Variants in MORF4L1 observed in about 807,000 individuals in gnomAD.
MORF4L1 encodes the protein mortality factor 4 like 1.
A neutral mutation model predicts 52.9 loss-of-function variants in MORF4L1; 4 were observed. The ratio of observed to expected loss-of-function variants is 0.08; its 90% CI spans 0.04 to 0.17. The LOEUF (loss-of-function observed/expected upper bound fraction) is 0.17, where lower values mean the gene tolerates loss of function less well. Ranked by LOEUF, MORF4L1 falls within the 10% of genes least tolerant of loss-of-function variation. The pLI is 1.00. For synonymous variants in MORF4L1, 123 were observed against 134.8 expected, an observed-to-expected ratio of 0.91 and a Z score of 0.61; for missense variants, 214 against 390.4, an observed-to-expected ratio of 0.55 and a Z score of 3.81.
rs1333008677 is a variant in MORF4L1 at position 78,872,976 on chromosome 15, C to T, written c.-42C>T. 2.8e-6 allele frequency: 4 copies of T among 1,432,802 alleles called. No homozygotes were observed. Among genetic ancestry groups the T allele is most frequent in the East Asian group, 2.6e-5 (1 of 38,180 alleles). The allele number at this position is 1,432,802 out of a possible 1,614,324, so 88.8% of individuals were successfully genotyped here. On this transcript the variant is annotated 5_prime_UTR_variant, in exon 1 of 12. Transcript: ENST00000426013. ...GGGGTAGAGAGTAGGGGGCGGTAGT[C>T]GGGGGTGGTGGGAGAAGGAGGAGGC...
In MORF4L1 at chr15:78,887,377, A is replaced by G. The variant is rs768214661; in HGVS notation, c.323+28A>G. 3.2e-6 allele frequency: 5 copies of G among 1,564,500 alleles called. No individual in the cohort carries two copies. The East Asian group carries it at 9.0e-5, about 28-fold the overall frequency. On this transcript the variant is annotated intron_variant, in intron 5 of 11. Transcript: ENST00000426013. ...AAGAAGCTCTTTGTTTTGATTTTGC[A>G]TACTATATGTGAAGATAATATTTTA...
chr15:78,876,883 A>G (rs1596238684), intron 1 of MORF4L1, among the ~76,000 whole-genome samples: 2 of 152,296 alleles, frequency 1.3e-5, no homozygotes, highest in East Asian at 3.9e-4. Flanking sequence ...GGGAGAGTCT[A>G]ATAATATGGG....
chr15:78,896,103 C>G (rs2056883481), intron 11 of MORF4L1, among the ~76,000 whole-genome samples: 2 of 152,052 alleles, frequency 1.3e-5, no homozygotes, highest in Admixed American at 1.3e-4. Flanking sequence ...CTCAGCCTCC[C>G]AAGTAGCTGG....
Position 78,897,216 on chromosome 15 carries a change from AGG to A in MORF4L1, c.*153_*154del. The A allele has an allele frequency of 1.8e-6, 1 of 566,796 alleles. No homozygotes were observed. The highest frequency in any genetic ancestry group is 1.9e-5 in the African/African-American group (1 of 52,370). The allele number at this position is 566,796 out of a possible 1,614,324, so 35.1% of individuals were successfully genotyped here. A position where few individuals can be genotyped will look rare whatever the true frequency, so the allele number is the denominator to read the frequency against. Reference sequence around the variant, plus strand: ...TGATTTTAAACAGAGAAAAAATAAAAGGGGGTAATAGCTCCTTTTTTCTTCTT... The same window carrying A: ...TGATTTTAAACAGAGAAAAAATAAAAGGGTAATAGCTCCTTTTTTCTTCTT... On this transcript the variant is annotated 3_prime_UTR_variant, in exon 12 of 12. Coordinates refer to ENST00000426013, the MANE Select transcript of MORF4L1 (RefSeq NM_006791.4).
chr15:78,892,191 A>G, intron 7 of MORF4L1, 21 bp from the exon 8 acceptor site: 2 of 1,545,804 alleles, frequency 1.3e-6, no homozygotes, highest in Non-Finnish European at 1.8e-6. Flanking sequence ...GGTTTTTAAT[A>G]CTCCTCCTGT....
intron 8 of MORF4L1, chr15:78,892,971 A>C (rs2056825132): frequency 6.5e-6 from 1 of 153,558 alleles, no homozygotes; most frequent in Non-Finnish European, 1.4e-5. Context: ...TTACAGCTAA[A>C]CTGCGAAGAT....
In MORF4L1 at chr15:78,880,599, A is replaced by G. The variant is rs2056583581; in HGVS notation, c.155+20A>G. ...TAAAAAGTGAGTATTAGATCTTACA[A>G]TTCTATTTGTAATTAACAAGATAGC... On this transcript the variant is annotated intron_variant, in intron 3 of 11. Transcript: ENST00000426013. The G allele has an allele frequency of 4.6e-6, 7 of 1,526,270 alleles. No homozygotes were observed. The highest frequency in any genetic ancestry group is 1.4e-5 in the African/African-American group (1 of 72,062). The allele number at this position is 1,526,270 out of a possible 1,614,324, so 94.5% of individuals were successfully genotyped here.
chr15:78,890,081 G>A (rs148465412), intron 5 of MORF4L1, among the ~76,000 whole-genome samples: 2 of 152,224 alleles, frequency 1.3e-5, no homozygotes, highest in Non-Finnish European at 2.9e-5. Context: ...TGAGCTGGGA[G>A]TGGTGGTGGG....
chr15:78,895,068 T>C (rs1416137462), intron 11 of MORF4L1, among the ~76,000 whole-genome samples, 164 bp downstream of exon 11: 1 of 152,058 alleles, frequency 6.6e-6, no homozygotes, highest in African/African-American at 2.4e-5. Context: ...GTCTCAGAAA[T>C]GATAGATGGT....
intron 7 of MORF4L1, 63 bp downstream of exon 7, chr15:78,891,635 A>C: frequency 7.7e-7 from 1 of 1,296,234 alleles, no homozygotes; most frequent in Non-Finnish European, 1.1e-6. Context: ...ACATGACATA[A>C]CCATGGGAGC....
chr15:78,879,755 T>C (rs1237646990), intron 2 of MORF4L1, among the ~76,000 whole-genome samples: 1 of 147,766 alleles, frequency 6.8e-6, no homozygotes, highest in Non-Finnish European at 1.5e-5. Flanking sequence ...CTGGGCAAGA[T>C]AGCAAGACTG....
At chr15:78,881,397 A>G (rs1279468553) in intron 3 of MORF4L1, among the ~76,000 whole-genome samples, 1 of 151,860 alleles carries the variant, frequency 6.6e-6, no homozygotes, top group Non-Finnish European at 1.5e-5. Flanking sequence ...GAGTTTCACC[A>G]CATTGGCCAG....
intron 3 of MORF4L1, among the ~76,000 whole-genome samples, chr15:78,883,491 TTTA>T (rs1232063869): frequency 6.6e-6 from 1 of 152,228 alleles, no homozygotes; most frequent in East Asian, 1.9e-4. Flanking sequence ...ATTTTCAGAT[TTTA>T]TTGTTTCGAA....
At position 78,884,213 on chromosome 15, in the gene MORF4L1, A is replaced by C. The variant is rs1195602946; in HGVS notation, c.156-1928A>C. ...AGCAAGACTCCATCTCAAAAAAAAA[A>C]ACAAAAAGCTGAAATTCTTGCCAGG... is the stretch of plus-strand genomic sequence containing the variant. On this transcript the variant is annotated intron_variant, in intron 3 of 11. Coordinates refer to ENST00000426013, the MANE Select transcript of MORF4L1 (RefSeq NM_006791.4). 1.1e-4 allele frequency among the ~76,000 whole-genome samples: 13 copies of C among 120,620 alleles called. No individual in the cohort carries two copies. The South Asian group carries it at 2.7e-3, about 25-fold the overall frequency. 79.1% of individuals were successfully genotyped at this position (120,620 alleles called of 152,430 possible). A position where few individuals can be genotyped will look rare whatever the true frequency, so the allele number is the denominator to read the frequency against.
intron 5 of MORF4L1, among the ~76,000 whole-genome samples, chr15:78,888,368 G>T (rs923107530): frequency 2.0e-5 from 3 of 151,956 alleles, no homozygotes; most frequent in Non-Finnish European, 4.4e-5. Context: ...TCAGGAGGCC[G>T]ATGTGGGAGG....
chr15:78,887,130 T>C, intron 4 of MORF4L1, 139 bp from the exon 5 acceptor site: 1 of 680,956 alleles, frequency 1.5e-6, no homozygotes, highest in Non-Finnish European at 2.6e-6. Flanking sequence ...TGTTTGATTT[T>C]TGTGGAAATA....
At chr15:78,883,685 A>C (rs577478221) in intron 3 of MORF4L1, among the ~76,000 whole-genome samples, 1 of 152,366 alleles carries the variant, frequency 6.6e-6, no homozygotes, top group Admixed American at 6.5e-5. Flanking sequence ...TGTATTGAGG[A>C]ATATTAATAT....
chr15:78,879,773 CAAAA>C (rs10664763), intron 2 of MORF4L1, among the ~76,000 whole-genome samples: 3 of 124,662 alleles, frequency 2.4e-5, no homozygotes, highest in Admixed American at 8.0e-5. Flanking sequence ...CTGTCTCTAC[CAAAA>C]AAAAAAAAAA....
At chr15:78,896,796 T>G (rs73477678) in intron 11 of MORF4L1, among the ~76,000 whole-genome samples, 187 bp from the exon 12 acceptor site, 3,088 of 152,324 alleles carry the variant, frequency 0.02, 101 homozygotes, top group African/African-American at 0.069. Flanking sequence ...ATGTATAGTG[T>G]TGTTCATTGT....
Sources: allele counts gnomAD v4.1 joint callset (sites outside exome capture counted in the v4.1 genomes callset), GRCh38; gene constraint gnomAD v4.1.1; transcripts MANE v1.5; gene names NCBI Gene and HGNC (gene_info 2026-07-23, HGNC 2026-07-21).